ALK: variants seen among roughly 807,000 people sequenced by gnomAD.
ALK encodes the protein ALK tyrosine kinase receptor.
In ALK, 74 loss-of-function variants were observed where a neutral mutation model predicts 163.1. The observed-to-expected ratio is 0.45, with a 90% confidence interval of 0.38 to 0.55. ALK has a LOEUF of 0.55. ALK is among the 20% of genes least tolerant of loss of function. The probability of loss-of-function intolerance (pLI) is 0.00; values close to 1 mark genes in which losing one functional copy is unlikely to be tolerated. For missense variants in ALK, 2,063 were observed against 2,105.3 expected (o/e 0.98, Z 0.39); for synonymous variants, 960 against 843.2 (o/e 1.14, Z -2.40).
At chr2:29,265,584 A>G (rs1298990724) in intron 11 of ALK, among the ~76,000 whole-genome samples, 1 of 152,220 alleles carries the variant, frequency 6.6e-6, no homozygotes, top group South Asian at 2.1e-4. Flanking sequence ...CATTTTTCCT[A>G]GAATATGATC....
chr2:29,681,234 A>T (rs1480745612), intron 3 of ALK: 1 of 152,244 alleles, frequency 6.6e-6, no homozygotes, highest in Non-Finnish European at 1.5e-5. Flanking sequence ...AGCATAGCAC[A>T]CTACAGCTCA....
chr2:29,444,107 C>T (rs1321923631), intron 4 of ALK, among the ~76,000 whole-genome samples: 6 of 152,146 alleles, frequency 3.9e-5, no homozygotes, highest in African/African-American at 1.4e-4. Flanking sequence ...ACGTGATTGC[C>T]ATTGGAATGT....
At chr2:29,798,536 A>C (rs917828696) in intron 1 of ALK, among the ~76,000 whole-genome samples, 2 of 152,168 alleles carry the variant, frequency 1.3e-5, no homozygotes, top group Admixed American at 6.5e-5. Context: ...AAGTACAAAA[A>C]CCCCCGCTCC....
chr2:29,687,308 T>A (rs1278433639), intron 3 of ALK, among the ~76,000 whole-genome samples: 1 of 151,688 alleles, frequency 6.6e-6, no homozygotes, highest in Non-Finnish European at 1.5e-5. Context: ...GGGGGTGGGG[T>A]GCTCTGGACT....
chr2:29,752,348 CTTTTT>C (rs34424748), intron 1 of ALK, among the ~76,000 whole-genome samples: 1 of 120,984 alleles, frequency 8.3e-6, no homozygotes, highest in African/African-American at 3.5e-5. Context: ...ATTTTCTTTT[CTTTTT>C]TTTTTTTTTT....
At chr2:29,608,866 G>C (rs1219514698) in intron 3 of ALK, among the ~76,000 whole-genome samples, 1 of 152,104 alleles carries the variant, frequency 6.6e-6, no homozygotes, top group African/African-American at 2.4e-5. Context: ...GGGTATCTTG[G>C]GTGGTTTGTG....
intron 1 of ALK, 120 bp downstream of exon 1, chr2:29,919,873 G>A (rs916087087): frequency 6.4e-6 from 8 of 1,243,776 alleles, no homozygotes; most frequent in Non-Finnish European, 9.0e-6. Context: ...GGAGGAAGGA[G>A]GGCGATGAAG....
chr2:29,677,502 A>C (rs937471095), intron 3 of ALK, among the ~76,000 whole-genome samples: 3 of 151,992 alleles, frequency 2.0e-5, no homozygotes, highest in Non-Finnish European at 4.4e-5. Context: ...TGGATGTTGG[A>C]TTCTATCAAC....
At chr2:29,914,491 T>C (rs1667780826) in intron 1 of ALK, among the ~76,000 whole-genome samples, 1 of 152,228 alleles carries the variant, frequency 6.6e-6, no homozygotes, top group African/African-American at 2.4e-5. Flanking sequence ...AGTGCAGCTG[T>C]TGCTATTATA....
intron 4 of ALK, among the ~76,000 whole-genome samples, chr2:29,499,604 G>A (rs1273613086): frequency 6.6e-6 from 1 of 151,830 alleles, no homozygotes; most frequent in Non-Finnish European, 1.5e-5. Flanking sequence ...AGACCCTCTC[G>A]CCTCCCTCCA....
intron 7 of ALK, among the ~76,000 whole-genome samples, chr2:29,320,082 C>T (rs4666201): frequency 0.57 from 87,217 of 152,160 alleles, 28,667 homozygotes; most frequent in East Asian, 0.8. Flanking sequence ...CCATATAGAC[C>T]CTCTGTGATC....
At chr2:29,617,457 A>G (rs1312594926) in intron 3 of ALK, among the ~76,000 whole-genome samples, 1 of 152,208 alleles carries the variant, frequency 6.6e-6, no homozygotes, top group Non-Finnish European at 1.5e-5. Context: ...TCACATTGAA[A>G]TAAGCCTTCC....
At chr2:29,686,060 T>C (rs1678231420) in intron 3 of ALK, among the ~76,000 whole-genome samples, 1 of 152,190 alleles carries the variant, frequency 6.6e-6, no homozygotes, top group Non-Finnish European at 1.5e-5. Context: ...ACCCAGATCA[T>C]CCAAGACAAT....
At chr2:29,603,642 T>C (rs925290085) in intron 3 of ALK, among the ~76,000 whole-genome samples, 3 of 152,024 alleles carry the variant, frequency 2.0e-5, no homozygotes, top group Non-Finnish European at 4.4e-5. Context: ...AGGGGTGCAT[T>C]CAGTCGGTTG....
chr2:29,564,842 A>C (rs1232233690), intron 3 of ALK, among the ~76,000 whole-genome samples: 2 of 152,066 alleles, frequency 1.3e-5, no homozygotes, highest in Non-Finnish European at 2.9e-5. Flanking sequence ...TGGTTCCTGC[A>C]TGGTTATTTT....
In ALK at chr2:29,771,745, A is replaced by G. The variant is rs374627746; in HGVS notation, c.668-54048T>C. The stretch of plus-strand genomic sequence containing the variant: ...GAGACGGGGTTTCACCGTGTTAGCC[A>G]GGATGGTCTCGATTGCCTGACCTCG... On this transcript the variant is annotated intron_variant, in intron 1 of 28. Coordinates refer to ENST00000389048, the MANE Select transcript of ALK (RefSeq NM_004304.5). 5.3e-3 allele frequency among the ~76,000 whole-genome samples: 812 copies of G among 152,232 alleles called. 7 individuals are homozygous for G. Among genetic ancestry groups the G allele is most frequent in the African/African-American group, 0.018 (766 of 41,516 alleles).
chr2:29,218,546 C>T (rs1259043175), intron 23 of ALK, among the ~76,000 whole-genome samples: 1 of 152,052 alleles, frequency 6.6e-6, no homozygotes, highest in African/African-American at 2.4e-5. Flanking sequence ...ATGCCTTTGT[C>T]TTTGAGAGAG....
At chr2:29,230,458 C>T (rs1416269228) in intron 15 of ALK, among the ~76,000 whole-genome samples, 2 of 152,090 alleles carry the variant, frequency 1.3e-5, no homozygotes, top group African/African-American at 4.8e-5. Flanking sequence ...GCAGAAACAG[C>T]AGTGTGTGTG....
chr2:29,444,370 G>A (rs1478945921), intron 4 of ALK, among the ~76,000 whole-genome samples: 1 of 144,316 alleles, frequency 6.9e-6, no homozygotes, highest in African/African-American at 2.9e-5. Context: ...GACCTGCCCC[G>A]TGGGTGCTCA....
Sources: gnomAD v4.1 joint callset for allele counts (sites outside exome capture counted in the v4.1 genomes callset) on GRCh38, gnomAD v4.1.1 for gene constraint, MANE v1.5 for transcripts, NCBI Gene and HGNC (gene_info 2026-07-23, HGNC 2026-07-21) for gene names.